CTNNA3: variants seen among roughly 807,000 people sequenced by gnomAD.
CTNNA3 encodes catenin alpha-3.
CTNNA3 carries 76 observed loss-of-function variants against 95.7 expected under a neutral mutation model. That is an observed-to-expected ratio of 0.79 (90% confidence interval 0.66 to 0.96). CTNNA3 has a LOEUF of 0.96. Among genes scored for constraint, CTNNA3 ranks in the 40% least tolerant of loss-of-function variants. CTNNA3 has a pLI of 0.00. For synonymous variants in CTNNA3, 431 were observed against 374.4 expected, an observed-to-expected ratio of 1.15 and a Z score of -1.74; for missense variants, 1,191 against 1,089.8, an observed-to-expected ratio of 1.09 and a Z score of -1.31.
chr10:66,002,151 A>T (rs1372409430), intron 15 of CTNNA3, among the ~76,000 whole-genome samples: 1 of 152,204 alleles, frequency 6.6e-6, no homozygotes, highest in Non-Finnish European at 1.5e-5. Flanking sequence ...AAAAGAAAAA[A>T]AGTAGTTATC....
chr10:65,997,491 C>A (rs187400243), intron 15 of CTNNA3, among the ~76,000 whole-genome samples: 48 of 152,210 alleles, frequency 3.2e-4, no homozygotes, highest in African/African-American at 1.1e-3. Flanking sequence ...TTACCCCTCC[C>A]ACCCTTTGAT....
intron 1 of CTNNA3, among the ~76,000 whole-genome samples, chr10:67,716,512 C>A (rs1274627466): frequency 6.6e-6 from 1 of 152,152 alleles, no homozygotes; most frequent in Admixed American, 6.5e-5. Flanking sequence ...TGATGTTCCC[C>A]TCCCTGTGTC....
chr10:66,689,263 C>G (rs958344541), intron 9 of CTNNA3, among the ~76,000 whole-genome samples: 13 of 152,062 alleles, frequency 8.5e-5, no homozygotes, highest in African/African-American at 2.9e-4. Context: ...TTGAAACATA[C>G]TGAATTGAAG....
chr10:66,163,227 G>A (rs1182284474), intron 13 of CTNNA3, among the ~76,000 whole-genome samples: 6 of 152,018 alleles, frequency 3.9e-5, no homozygotes, highest in African/African-American at 1.4e-4. Context: ...TGGCCAGGAG[G>A]CTTCTCACCC....
intron 3 of CTNNA3, among the ~76,000 whole-genome samples, chr10:67,568,510 C>A (rs898915112): frequency 6.6e-6 from 1 of 151,280 alleles, no homozygotes; most frequent in Non-Finnish European, 1.5e-5. Flanking sequence ...TTTCCTTGCA[C>A]GCACACACAC....
At chr10:67,269,240 C>A (rs1038731671) in intron 5 of CTNNA3, among the ~76,000 whole-genome samples, 1 of 151,990 alleles carries the variant, frequency 6.6e-6, no homozygotes, top group Non-Finnish European at 1.5e-5. Flanking sequence ...TTTTTATGAA[C>A]AAGTGGCTTA....
chr10:66,556,217 T>A (rs1353371647), intron 10 of CTNNA3, among the ~76,000 whole-genome samples: 2 of 151,948 alleles, frequency 1.3e-5, no homozygotes, highest in Non-Finnish European at 2.9e-5. Context: ...AGATTATAAG[T>A]GTTGGCAAGG....
intron 7 of CTNNA3, among the ~76,000 whole-genome samples, chr10:67,089,049 G>C (rs755317374): frequency 1.3e-5 from 2 of 151,910 alleles, no homozygotes; most frequent in African/African-American, 4.8e-5. Context: ...ATATATGGGA[G>C]GATGTGTGTG....
intron 7 of CTNNA3, among the ~76,000 whole-genome samples, chr10:66,890,040 C>T (rs532491164): frequency 7.2e-4 from 110 of 152,230 alleles, no homozygotes; most frequent in African/African-American, 2.3e-3. Flanking sequence ...ATCCACCCGC[C>T]TTGGCTTCCC....
chr10:67,156,293 T>C (rs1465979123), intron 7 of CTNNA3, among the ~76,000 whole-genome samples: 1 of 152,068 alleles, frequency 6.6e-6, no homozygotes, highest in African/African-American at 2.4e-5. Flanking sequence ...ATTTTTGCTC[T>C]AATCTTTACC....
chr10:67,120,613 G>T (rs965924509), intron 7 of CTNNA3, among the ~76,000 whole-genome samples: 1 of 151,902 alleles, frequency 6.6e-6, no homozygotes, highest in Non-Finnish European at 1.5e-5. Context: ...GAAAATAAAA[G>T]ACTCAATATT....
intron 10 of CTNNA3, among the ~76,000 whole-genome samples, chr10:66,616,997 C>T (rs1844539693): frequency 6.6e-6 from 1 of 151,912 alleles, no homozygotes; most frequent in African/African-American, 2.4e-5. Flanking sequence ...ATTCTAGCAA[C>T]CTTCTCACTG....
At chr10:67,406,181 G>A (rs1441140770) in intron 5 of CTNNA3, among the ~76,000 whole-genome samples, 1 of 152,136 alleles carries the variant, frequency 6.6e-6, no homozygotes, top group Non-Finnish European at 1.5e-5. Context: ...TAAGTTTCCT[G>A]AGGCCTCCCC....
intron 12 of CTNNA3, among the ~76,000 whole-genome samples, chr10:66,308,539 T>C (rs12785125): frequency 0.28 from 42,650 of 151,886 alleles, 6,737 homozygotes; most frequent in East Asian, 0.51. Context: ...TAGCAATTTA[T>C]AAACAAAAAC....
chr10:67,080,895 C>T (rs748765939), intron 7 of CTNNA3, among the ~76,000 whole-genome samples: 3 of 147,644 alleles, frequency 2.0e-5, no homozygotes, highest in Non-Finnish European at 4.5e-5. Context: ...GGCGAGAGAG[C>T]GAGACTCTGT....
intron 7 of CTNNA3, among the ~76,000 whole-genome samples, chr10:67,079,168 T>C (rs759007539): frequency 6.6e-6 from 1 of 152,232 alleles, no homozygotes. Flanking sequence ...GATGTTCTGC[T>C]GGCTGTATTT....
intron 2 of CTNNA3, among the ~76,000 whole-genome samples, chr10:67,610,194 G>C (rs1479862663): frequency 1.3e-5 from 2 of 152,114 alleles, no homozygotes. Flanking sequence ...TCCTCCATGC[G>C]CCAAATGTTT....
At position 66,348,878 on chromosome 10, in the gene CTNNA3, G is replaced by A. The variant is rs116630191; in HGVS notation, c.1732+30274C>T. Among the ~76,000 whole-genome samples, 8 of 152,092 alleles carry A rather than the reference G, an allele frequency of 5.3e-5. No individual in the cohort carries two copies. In the East Asian group the frequency reaches 1.2e-3, roughly 22 times the overall value. On this transcript the variant is annotated intron_variant, in intron 12 of 17. Transcript: ENST00000433211. ...AACAAAATTTCCTGGTGCTTCTACTGGTACCAGGGGATTTATGGTTTAGGC... is the reference window on the plus strand; with the variant it reads ...AACAAAATTTCCTGGTGCTTCTACTAGTACCAGGGGATTTATGGTTTAGGC...
chr10:67,104,118 C>G lies in CTNNA3; in HGVS notation c.1047+76199G>C, dbSNP rs566204313. Reference sequence around the variant, plus strand: ...AAAGAAATATCAATAATATAACCTTCAACTGGCTGAAAAAAAGAGGTCAGG... The same window carrying G: ...AAAGAAATATCAATAATATAACCTTGAACTGGCTGAAAAAAAGAGGTCAGG... On this transcript the variant is annotated intron_variant, in intron 7 of 17. Transcript: ENST00000433211. 2.0e-4 allele frequency among the ~76,000 whole-genome samples: 31 copies of G among 151,786 alleles called. No homozygotes were observed. In the South Asian group the frequency reaches 3.1e-3, roughly 15 times the overall value.
Sources: gnomAD v4.1 joint callset for allele counts (sites outside exome capture counted in the v4.1 genomes callset) on GRCh38, gnomAD v4.1.1 for gene constraint, MANE v1.5 for transcripts, NCBI Gene and HGNC (gene_info 2026-07-23, HGNC 2026-07-21) for gene names.